The following USP2 variants were observed in gnomAD, a reference collection of about 807,000 sequenced individuals.
USP2 encodes ubiquitin carboxyl-terminal hydrolase 2.
USP2 carries 33 observed loss-of-function variants against 72.0 expected under a neutral mutation model. That is an observed-to-expected ratio of 0.46 (90% CI 0.35 to 0.61). USP2 has a LOEUF of 0.61. Among genes scored for constraint, USP2 ranks in the 20% least tolerant of loss-of-function variants. The probability of loss-of-function intolerance (pLI) is 0.01; values close to 1 mark genes in which losing one functional copy is unlikely to be tolerated. For synonymous variants in USP2, 296 were observed against 312.5 expected, an observed-to-expected ratio of 0.95 and a Z score of 0.56; for missense variants, 691 against 797.8, an observed-to-expected ratio of 0.87 and a Z score of 1.61.
intron 2 of USP2, chr11:119,364,174 C>G (rs1229752883): frequency 8.4e-7 from 1 of 1,193,292 alleles, no homozygotes; most frequent in Non-Finnish European, 1.0e-6. Context: ...GCGCCGCCAA[C>G]AGCCCGGGTC....
chr11:119,381,468 C>A lies in USP2; in HGVS notation c.-42+5G>T, dbSNP rs1340615538. 4.6e-6 allele frequency: 7 copies of A among 1,536,112 alleles called. No individual in the cohort carries two copies. Among genetic ancestry groups the A allele is most frequent in the Non-Finnish European group, 6.1e-6 (7 of 1,146,876 alleles). ...CCTCCCGGATCCCCGACAGGTGGCACGTACCTGCCTCTTCTTGGAGTATGG... is the reference window on the plus strand; with the variant it reads ...CCTCCCGGATCCCCGACAGGTGGCAAGTACCTGCCTCTTCTTGGAGTATGG... On this transcript the variant is annotated splice_donor_5th_base_variant and intron_variant, in intron 1 of 12. Coordinates refer to ENST00000260187, the MANE Select transcript of USP2 (RefSeq NM_004205.5).
rs1950747066 is a variant in USP2 at position 119,360,497 on chromosome 11, C to T, written c.775-263G>A. On this transcript the variant is annotated intron_variant, in intron 2 of 12. Coordinates refer to ENST00000260187, the MANE Select transcript of USP2 (RefSeq NM_004205.5). ...GGAGTGCAGTGGTACGATCTTAGCT[C>T]ACTGCAACCTCCACCTCGTGGGTTC... 1.8e-5 allele frequency: 9 copies of T among 511,644 alleles called. 1 individual carries two copies. Among genetic ancestry groups the T allele is most frequent in the South Asian group, 1.2e-4 (7 of 58,968 alleles). 31.7% of individuals were successfully genotyped at this position (511,644 alleles called of 1,614,324 possible). A position where few individuals can be genotyped will look rare whatever the true frequency, so the allele number is the denominator to read the frequency against.
chr11:119,368,635 C>G (rs747389888), intron 2 of USP2, among the ~76,000 whole-genome samples: 5 of 152,236 alleles, frequency 3.3e-5, no homozygotes, highest in Admixed American at 6.5e-5. Context: ...GTTTCCCAGA[C>G]CTTTTGCTCC....
rs758120561 is a variant in USP2, at chr11:119,359,604, G to A, written c.882C>T (p.Tyr294=). Residue 294 remains tyrosine (Y), a synonymous_variant, in exon 4 of 13, where the codon TAC becomes TAT. Transcript: ENST00000260187. ...CLSNTRELRD[Y]CLQRLYMRDL... ...CCCGCATGTAGAGCCTCTGGAGGCA[G>A]TAATCTCTCAACTCCCGAGTGTTGC... 1.2e-4 allele frequency: 193 copies of A among 1,613,910 alleles called. No individual in the cohort carries two copies. The highest frequency in any genetic ancestry group is 1.6e-4 in the Non-Finnish European group (189 of 1,180,026).
intron 1 of USP2, chr11:119,376,094 G>A (rs1487302657): frequency 2.0e-5 from 16 of 788,408 alleles, no homozygotes; most frequent in Admixed American, 6.2e-5. Flanking sequence ...CCATGCCTGC[G>A]GAGAGGGTTC....
At chr11:119,376,988 A>G (rs1315448227) in intron 1 of USP2, among the ~76,000 whole-genome samples, 1 of 152,278 alleles carries the variant, frequency 6.6e-6, no homozygotes, top group East Asian at 1.9e-4. Context: ...AATTATTTAA[A>G]TTAAAATTTA....
chr11:119,373,190 C>T lies in USP2; in HGVS notation c.291G>A (p.Arg97=), dbSNP rs1254923513. 6.2e-7 allele frequency: 1 copy of T among 1,614,046 alleles called. No homozygotes were observed. The highest frequency in any genetic ancestry group is 8.5e-7 in the Non-Finnish European group (1 of 1,180,000). Residue 97 remains arginine, a synonymous_variant, in exon 2 of 13, where the codon CGG becomes CGA. Transcript: ENST00000260187. The part of the protein sequence containing the change: ...GGGKRAESQT[R]GTERPLGSGL... ...CACTGCCTAAAGGCCGCTCAGTACC[C>T]CGGGTCTGGCTCTCTGCCCGCTTAC...
chr11:119,375,213 G>A (rs1565313873), intron 1 of USP2, among the ~76,000 whole-genome samples: 1 of 152,232 alleles, frequency 6.6e-6, no homozygotes, highest in East Asian at 1.9e-4. Flanking sequence ...AGGAGCTGGT[G>A]CCAAACCCCA....
intron 1 of USP2, 66 bp from the exon 2 acceptor site, chr11:119,373,587 C>G: frequency 7.2e-7 from 1 of 1,396,616 alleles, no homozygotes; most frequent in East Asian, 2.5e-5. Context: ...AGACCTGCTC[C>G]CCATCCTCAG....
intron 2 of USP2, among the ~76,000 whole-genome samples, chr11:119,370,553 C>CGAGCAGGGTTGTTCTCACCTCAGCAA (rs1950912582): frequency 6.6e-6 from 1 of 152,062 alleles, no homozygotes; most frequent in African/African-American, 2.4e-5. Flanking sequence ...CCAGGCCGCA[C>CGAGCAGGGTTGTTCTCACCTCAGCAA]GAGCAGGGTT....
chr11:119,360,224 C>G lies in USP2; in HGVS notation c.785G>C (p.Ser262Thr). Reference protein sequence around the residue: ...SPGRDGMNSKSAQGLAGLRNL... With the variant: ...SPGRDGMNSKTAQGLAGLRNL... ...TCGAAGACCAGCCAGACCCTGGGCACTCTTAGAATTCTGTAAGCAAAGAAC... is the reference window on the plus strand; with the variant it reads ...TCGAAGACCAGCCAGACCCTGGGCAGTCTTAGAATTCTGTAAGCAAAGAAC... Residue 262 changes from serine (S) to threonine (T), a missense_variant, in exon 3 of 13, where the codon AGT becomes ACT. By Grantham distance (58) the Ser-to-Thr change is moderately conservative. Coordinates refer to ENST00000260187, the MANE Select transcript of USP2 (RefSeq NM_004205.5). The G allele has an allele frequency of 6.2e-7, 1 of 1,614,006 alleles. No homozygotes were observed. Among genetic ancestry groups the G allele is most frequent in the African/African-American group, 1.3e-5 (1 of 75,040 alleles).
At chr11:119,366,945 T>C (rs1950861384) in intron 2 of USP2, among the ~76,000 whole-genome samples, 1 of 152,172 alleles carries the variant, frequency 6.6e-6, no homozygotes, top group Admixed American at 6.5e-5. Flanking sequence ...CAGAAAGCTT[T>C]AGCGTGGGAG....
intron 2 of USP2, among the ~76,000 whole-genome samples, chr11:119,361,593 C>T (rs572914071): frequency 5.4e-4 from 82 of 151,340 alleles, no homozygotes; most frequent in Non-Finnish European, 9.4e-4. Context: ...AGCTCAAAGC[C>T]CATGAGGTTG....
At chr11:119,364,327 G>A (rs548277335) in intron 2 of USP2, 25 of 355,866 alleles carry the variant, frequency 7.0e-5, no homozygotes, top group East Asian at 1.6e-4. Context: ...ACCCGAACGA[G>A]GCGACAAGGT....
At chr11:119,378,949 G>A (rs769292660) in intron 1 of USP2, 3 of 982,082 alleles carry the variant, frequency 3.1e-6, no homozygotes, top group African/African-American at 3.5e-5. Context: ...ATTCACTGAT[G>A]TCTTTCCTCT....
At chr11:119,366,809 C>T (rs1950859065) in intron 2 of USP2, among the ~76,000 whole-genome samples, 1 of 152,160 alleles carries the variant, frequency 6.6e-6, no homozygotes, top group Non-Finnish European at 1.5e-5. Flanking sequence ...CCTGTTTCCC[C>T]ATGACTTAGA....
chr11:119,367,982 A>C (rs1441993094), intron 2 of USP2, among the ~76,000 whole-genome samples: 3 of 152,122 alleles, frequency 2.0e-5, no homozygotes, highest in South Asian at 2.1e-4. Context: ...GTGGAGGAGG[A>C]GGCGGGAGGA....
At chr11:119,380,213 G>A (rs1440569568) in intron 1 of USP2, among the ~76,000 whole-genome samples, 1 of 151,772 alleles carries the variant, frequency 6.6e-6, no homozygotes, top group African/African-American at 2.4e-5. Context: ...CACTGCTCCC[G>A]GCCGGAAGTG....
chr11:119,360,757 A>G (rs1168426439), intron 2 of USP2, among the ~76,000 whole-genome samples: 2 of 152,152 alleles, frequency 1.3e-5, no homozygotes, highest in Admixed American at 6.5e-5. Context: ...ACCAACAAAA[A>G]TATTCTTCAG....
Sources: allele counts gnomAD v4.1 joint callset (sites outside exome capture counted in the v4.1 genomes callset), GRCh38; gene constraint gnomAD v4.1.1; transcripts MANE v1.5; gene names NCBI Gene and HGNC (gene_info 2026-07-23, HGNC 2026-07-21).